The following DZIP1 variants were observed in gnomAD, a reference collection of about 807,000 sequenced individuals.
DZIP1 encodes the protein cilium assembly protein DZIP1.
DZIP1 carries 97 observed loss-of-function variants against 107.6 expected under a neutral mutation model. The ratio of observed to expected loss-of-function variants is 0.90; its 90% CI spans 0.77 to 1.07. DZIP1 has a LOEUF of 1.07. Ranked by LOEUF, DZIP1 falls within the 50% of genes least tolerant of loss-of-function variation. DZIP1 has a pLI of 0.00. For synonymous variants in DZIP1, 390 were observed against 386.4 expected, an observed-to-expected ratio of 1.01 and a Z score of -0.11; for missense variants, 1,035 against 1,063.6, an observed-to-expected ratio of 0.97 and a Z score of 0.37.
At position 95,578,319 on chromosome 13, in the gene DZIP1, C is replaced by CT; in HGVS notation, c.*3914dup. On this transcript the variant is annotated 3_prime_UTR_variant, in exon 23 of 23. Transcript: ENST00000376829. Reference sequence around the variant, plus strand: ...GTTCAAGAAGTATTCGTACTCTAGCCTTTTTAATCATTCATAGATAGAAGT... The same window carrying CT: ...GTTCAAGAAGTATTCGTACTCTAGCCTTTTTTAATCATTCATAGATAGAAGT... 1 of 190,942 alleles carries CT rather than the reference C, an allele frequency of 5.2e-6. No individual in the cohort carries two copies. Among genetic ancestry groups the CT allele is most frequent in the East Asian group, 1.4e-4 (1 of 6,926 alleles). 11.8% of individuals were successfully genotyped at this position (190,942 alleles called of 1,614,324 possible). A position where few individuals can be genotyped will look rare whatever the true frequency, so the allele number is the denominator to read the frequency against.
chr13:95,594,463 A>G (rs1333262877), intron 15 of DZIP1, among the ~76,000 whole-genome samples: 4 of 152,138 alleles, frequency 2.6e-5, no homozygotes, highest in Non-Finnish European at 5.9e-5. Context: ...GTTAGAATTT[A>G]TGTATCATCT....
At chr13:95,635,485 C>T (rs912868202) in intron 5 of DZIP1, among the ~76,000 whole-genome samples, 8 of 152,136 alleles carry the variant, frequency 5.3e-5, no homozygotes, top group East Asian at 1.9e-4. Flanking sequence ...GTGTAACCCA[C>T]GGTGCCCAGT....
chr13:95,639,828 G>C (rs1229303816), intron 5 of DZIP1, among the ~76,000 whole-genome samples: 1 of 151,854 alleles, frequency 6.6e-6, no homozygotes, highest in Non-Finnish European at 1.5e-5. Flanking sequence ...AACCATCTTA[G>C]CACTATTTGT....
chr13:95,640,497 T>C (rs1304746489), intron 5 of DZIP1, among the ~76,000 whole-genome samples: 1 of 152,192 alleles, frequency 6.6e-6, no homozygotes, highest in Non-Finnish European at 1.5e-5. Context: ...TCAATCTTGT[T>C]AATCTGTTGC....
chr13:95,582,295 G>A lies in DZIP1; in HGVS notation c.2543C>T (p.Ser848Leu). The A allele has an allele frequency of 6.2e-7, 1 of 1,614,138 alleles. No homozygotes were observed. The highest frequency in any genetic ancestry group is 1.1e-5 in the South Asian group (1 of 91,056). ...TACTAAGCTGCTTTTTAATGTGCTT[G>A]ATTCATTTTCTTGAAGTCCTGTAAG... is the stretch of plus-strand genomic sequence containing the variant. ...PKGEGLQENE[S>L]STLKSSLVTV... The change falls in exon 23 of 23, where the codon TCA becomes TTA. Residue 848 changes from serine (S) to leucine (L), a missense_variant. Physicochemically the swap from Ser to Leu is moderately radical, Grantham distance 145 (BLOSUM62 -2). Transcript: ENST00000376829.
In DZIP1 at chr13:95,578,391, T is replaced by A. The variant is rs1594628716; in HGVS notation, c.*3843A>T. The stretch of plus-strand genomic sequence containing the variant: ...TTCTTTTCATTCATAAACAGGTGTA[T>A]AAGGAACAATGTCTTATAAACAGCA... On this transcript the variant is annotated 3_prime_UTR_variant, in exon 23 of 23. Transcript: ENST00000376829. The A allele has an allele frequency of 6.4e-6, 1 of 157,178 alleles. No homozygotes were observed. Among genetic ancestry groups the A allele is most frequent in the Middle Eastern group, 3.3e-3 (1 of 302 alleles). The allele number at this position is 157,178 out of a possible 1,614,324, so 9.7% of individuals were successfully genotyped here.
chr13:95,593,304 A>G (rs915042956), intron 16 of DZIP1, among the ~76,000 whole-genome samples: 2 of 152,142 alleles, frequency 1.3e-5, no homozygotes, highest in African/African-American at 4.8e-5. Context: ...ATACACATCC[A>G]CGTGTGTGCC....
chr13:95,620,179 A>G (rs986811205), intron 9 of DZIP1, among the ~76,000 whole-genome samples: 32 of 152,302 alleles, frequency 2.1e-4, no homozygotes, highest in African/African-American at 7.0e-4. Context: ...TGTTCTCATG[A>G]TAGTGAGTTC....
At chr13:95,593,904 C>T (rs2044375178) in intron 16 of DZIP1, 40 bp downstream of exon 16, 2 of 1,575,316 alleles carry the variant, frequency 1.3e-6, no homozygotes, top group African/African-American at 1.4e-5. Context: ...AAACAAAACA[C>T]AGCAAAACTA....
chr13:95,620,563 G>A (rs902685337), intron 9 of DZIP1, among the ~76,000 whole-genome samples: 11 of 152,154 alleles, frequency 7.2e-5, no homozygotes, highest in African/African-American at 2.7e-4. Flanking sequence ...CATAGGCTCT[G>A]GGGGCCAGAC....
Position 95,582,411 on chromosome 13 carries a change from C to G in DZIP1, c.2525-98G>C. On this transcript the variant is annotated intron_variant, in intron 22 of 22. Coordinates refer to ENST00000376829, the MANE Select transcript of DZIP1 (RefSeq NM_198968.4). ...TCCATAATTTCATATTGTCATTAAT[C>G]ACTCAGTGTCTAAATCTGTTCATGA... The G allele has an allele frequency of 3.0e-6, 3 of 1,001,988 alleles. No individual in the cohort carries two copies. In the South Asian group the frequency reaches 4.0e-5, roughly 14 times the overall value. The allele number at this position is 1,001,988 out of a possible 1,614,324, so 62.1% of individuals were successfully genotyped here. A position where few individuals can be genotyped will look rare whatever the true frequency, so the allele number is the denominator to read the frequency against.
chr13:95,642,837 T>TA (rs143747650), intron 3 of DZIP1, among the ~76,000 whole-genome samples: 15,397 of 152,260 alleles, frequency 0.1, 973 homozygotes, highest in Middle Eastern at 0.19. Flanking sequence ...AGTTGCTTTT[T>TA]AAATGGAGTC....
intron 21 of DZIP1, among the ~76,000 whole-genome samples, chr13:95,585,351 A>C (rs1313284131): frequency 6.6e-6 from 1 of 152,196 alleles, no homozygotes; most frequent in Non-Finnish European, 1.5e-5. Flanking sequence ...GCCCTTCCTA[A>C]AGAAAGATGC....
Position 95,609,446 on chromosome 13 carries a change from T to C in DZIP1, c.1420+11A>G, listed in dbSNP as rs2044905995. On this transcript the variant is annotated intron_variant, in intron 13 of 22. Coordinates refer to ENST00000376829, the MANE Select transcript of DZIP1 (RefSeq NM_198968.4). ...TACCTTTGGAGCCCTGCATCTATTA[T>C]AGGAACTTACTAGGCACAGCTGGAG... 1.9e-6 allele frequency: 3 copies of C among 1,553,120 alleles called. No homozygotes were observed. The highest frequency in any genetic ancestry group is 1.2e-5 in the South Asian group (1 of 81,186).
intron 18 of DZIP1, 102 bp downstream of exon 18, chr13:95,589,701 A>T (rs1458518120): frequency 8.3e-6 from 12 of 1,451,918 alleles, no homozygotes; most frequent in Non-Finnish European, 1.1e-5. Context: ...AAATGGGGAG[A>T]AAATAAATTT....
chr13:95,589,209 TA>T lies in DZIP1; in HGVS notation c.1974-3del. The T allele has an allele frequency of 6.3e-7, 1 of 1,589,458 alleles. No homozygotes were observed. Among genetic ancestry groups the T allele is most frequent in the Non-Finnish European group, 8.6e-7 (1 of 1,164,224 alleles). ...TCTTCCATGACATTTTTCTTAATTC[TA>T]AAAAAACAACAGAAAAATATTTTTA... On this transcript the variant is annotated splice_region_variant and splice_polypyrimidine_tract_variant and intron_variant, in intron 18 of 22. Transcript: ENST00000376829.
intron 14 of DZIP1, among the ~76,000 whole-genome samples, chr13:95,602,669 G>A (rs886924177): frequency 2.6e-5 from 4 of 152,208 alleles, no homozygotes; most frequent in African/African-American, 2.4e-5. Flanking sequence ...AGCTTTTCCA[G>A]GATGTATGTC....
intron 5 of DZIP1, among the ~76,000 whole-genome samples, chr13:95,638,692 G>C (rs1445015934): frequency 2.0e-5 from 3 of 151,838 alleles, no homozygotes; most frequent in African/African-American, 7.3e-5. Context: ...AAACCCATTA[G>C]GATGCGTGCG....
rs774787402 is a variant in DZIP1 at position 95,641,805 on chromosome 13, G to C, written c.87C>G (p.Pro29=). The change falls in exon 5 of 23, where the codon CCC becomes CCG. Residue 29 remains proline, a synonymous_variant. Coordinates refer to ENST00000376829, the MANE Select transcript of DZIP1 (RefSeq NM_198968.4). This position sits in a 1 kb window ranked among gnomAD's most constrained non-coding sequence, Gnocchi z 4.3. The part of the protein sequence containing the change: ...YYPLASGPEG[P]DVAVAAAAAG... ...CGGCGGCGGCGGCCACAGCGACGTC[G>C]GGCCCCTCTGGGCCGCTGGCGAGCG... 2.0e-6 allele frequency: 3 copies of C among 1,476,358 alleles called. No homozygotes were observed. The highest frequency in any genetic ancestry group is 2.7e-5 in the South Asian group (2 of 72,816). The allele number at this position is 1,476,358 out of a possible 1,614,324, so 91.5% of individuals were successfully genotyped here.
Sources: gnomAD v4.1 joint callset for allele counts (sites outside exome capture counted in the v4.1 genomes callset) on GRCh38, gnomAD v4.1.1 for gene constraint, Gnocchi (gnomAD v3.1) non-coding constraint, MANE v1.5 for transcripts, NCBI Gene and HGNC (gene_info 2026-07-23, HGNC 2026-07-21) for gene names.